PCLO: variants seen among roughly 807,000 people sequenced by gnomAD.
The protein encoded by PCLO is protein piccolo.
A neutral mutation model predicts 427.5 loss-of-function variants in PCLO; 82 were observed. The observed-to-expected ratio is 0.19, with a 90% CI of 0.16 to 0.23. The LOEUF is 0.23. Among genes scored for constraint, PCLO ranks in the 10% least tolerant of loss-of-function variants. PCLO has a pLI of 1.00. For missense variants in PCLO, 6,239 were observed against 6,115.9 expected (o/e 1.02, Z -0.67); for synonymous variants, 2,357 against 2,155.4 (o/e 1.09, Z -2.59).
At chr7:82,850,796 G>A (rs1050265497) in intron 10 of PCLO, among the ~76,000 whole-genome samples, 2 of 152,014 alleles carry the variant, frequency 1.3e-5, no homozygotes, top group Non-Finnish European at 2.9e-5. Context: ...ACATTTTATG[G>A]TGTTATAAAA....
chr7:83,142,784 C>A (rs1192481688), intron 2 of PCLO, among the ~76,000 whole-genome samples: 2 of 152,104 alleles, frequency 1.3e-5, no homozygotes, highest in Non-Finnish European at 2.9e-5. Flanking sequence ...TATGGTGAAA[C>A]CCCGTCTCTA....
chr7:83,082,033 T>A (rs1160278707), intron 3 of PCLO, among the ~76,000 whole-genome samples: 1 of 151,466 alleles, frequency 6.6e-6, no homozygotes. Flanking sequence ...ACCAAAGATA[T>A]TAGATGAAAT....
intron 9 of PCLO, among the ~76,000 whole-genome samples, chr7:82,884,526 A>C: frequency 6.6e-6 from 1 of 152,364 alleles, no homozygotes; most frequent in South Asian, 2.1e-4. Context: ...GTAATGACAT[A>C]AAGATTTTCT....
At chr7:82,891,626 G>T (rs1380386520) in intron 9 of PCLO, among the ~76,000 whole-genome samples, 1 of 151,938 alleles carries the variant, frequency 6.6e-6, no homozygotes, top group East Asian at 1.9e-4. Flanking sequence ...TTTTCAAAGG[G>T]AATGCTTCCA....
At chr7:82,925,480 C>A (rs1251049947) in intron 6 of PCLO, among the ~76,000 whole-genome samples, 1 of 152,004 alleles carries the variant, frequency 6.6e-6, no homozygotes, top group African/African-American at 2.4e-5. Context: ...AGCAATACAC[C>A]TTCTAGGGGT....
intron 20 of PCLO, among the ~76,000 whole-genome samples, chr7:82,814,951 C>G (rs1791646806): frequency 6.6e-6 from 1 of 151,952 alleles, no homozygotes; most frequent in African/African-American, 2.4e-5. Context: ...GTTTCTTTGA[C>G]AGTCACCTTA....
intron 3 of PCLO, among the ~76,000 whole-genome samples, chr7:83,025,013 A>G (rs955481141): frequency 6.6e-6 from 1 of 152,176 alleles, no homozygotes; most frequent in Non-Finnish European, 1.5e-5. Flanking sequence ...AAAAAACAGA[A>G]CAGAAAAACT....
intron 10 of PCLO, among the ~76,000 whole-genome samples, chr7:82,867,014 C>A (rs1222698908): frequency 1.3e-5 from 2 of 152,102 alleles, no homozygotes; most frequent in African/African-American, 4.8e-5. Context: ...CCAATGTATT[C>A]TGCATTTCTT....
chr7:82,795,863 G>A (rs781414797), intron 22 of PCLO, among the ~76,000 whole-genome samples: 7 of 151,830 alleles, frequency 4.6e-5, no homozygotes, highest in Non-Finnish European at 7.4e-5. Context: ...GCTTATATTC[G>A]TTGTGTTATT....
intron 8 of PCLO, among the ~76,000 whole-genome samples, chr7:82,903,950 T>A (rs963547802): frequency 1.7e-4 from 26 of 151,902 alleles, no homozygotes; most frequent in African/African-American, 6.0e-4. Context: ...TTTAAAAAAC[T>A]GAAGCTAAAA....
At position 82,956,417 on chromosome 7, in the gene PCLO, T is replaced by C. The variant is rs1795521726; in HGVS notation, c.4536A>G (p.Ser1512=). The C allele has an allele frequency of 6.2e-7, 1 of 1,613,796 alleles. No individual in the cohort carries two copies. Among genetic ancestry groups the C allele is most frequent in the Middle Eastern group, 1.6e-4 (1 of 6,062 alleles). The change falls in exon 5 of 25, where the codon TCA becomes TCG. Residue 1512 remains serine, a synonymous_variant. Transcript: ENST00000333891. The part of the protein sequence containing the change: ...DITTRREPYD[S]VEESSESENS... ...TTTCACTTTCACTACTCTCTTCAAC[T>C]GAATCATAAGGCTCTCTTCTAGTAG... is the stretch of plus-strand genomic sequence containing the variant.
chr7:83,147,474 T>C (rs1235634419), intron 2 of PCLO, among the ~76,000 whole-genome samples: 1 of 152,174 alleles, frequency 6.6e-6, no homozygotes, highest in African/African-American at 2.4e-5. Context: ...TTTTTTTCTA[T>C]TGGCTCCATG....
Position 82,966,019 on chromosome 7 carries a change from G to T in PCLO, c.3769C>A (p.Pro1257Thr), listed in dbSNP as rs1411607739. Residue 1257 changes from proline to threonine, a missense_variant, in exon 4 of 25, where the codon CCA (proline) becomes ACA (threonine). By Grantham distance (38) the Pro-to-Thr change is conservative (BLOSUM62 -1). This residue lies in a region of PCLO where 4,677 missense variants were observed against 4,468.4 expected (regional missense o/e 1.05). Transcript: ENST00000333891. The part of the protein sequence containing the change: ...KLLPEAKTSA[P>T]EEQKHDLLKS... ...AGTAAGTCATGTTTCTGTTCTTCTG[G>T]GGCTGATGTTTTTGCCTCTGGGAGT... 1 of 1,613,404 alleles carries T rather than the reference G, an allele frequency of 6.2e-7. No individual in the cohort carries two copies. The highest frequency in any genetic ancestry group is 2.2e-5 in the East Asian group (1 of 44,848).
intron 3 of PCLO, among the ~76,000 whole-genome samples, chr7:83,019,980 C>T (rs969474263): frequency 2.0e-5 from 3 of 152,086 alleles, no homozygotes; most frequent in Admixed American, 6.6e-5. Flanking sequence ...ATATGTAGCT[C>T]TCAGAAGTAA....
chr7:83,053,408 T>G (rs1157474338), intron 3 of PCLO, among the ~76,000 whole-genome samples: 4 of 151,880 alleles, frequency 2.6e-5, no homozygotes, highest in Non-Finnish European at 5.9e-5. Context: ...CAAACCTATA[T>G]CCCAATAACT....
At chr7:83,023,137 A>G (rs1788387477) in intron 3 of PCLO, among the ~76,000 whole-genome samples, 1 of 152,212 alleles carries the variant, frequency 6.6e-6, no homozygotes, top group Admixed American at 6.5e-5. Flanking sequence ...AAAAAAGTCA[A>G]TTTTAAAACA....
At chr7:83,039,575 G>A (rs1486971049) in intron 3 of PCLO, among the ~76,000 whole-genome samples, 1 of 152,084 alleles carries the variant, frequency 6.6e-6, no homozygotes, top group African/African-American at 2.4e-5. Flanking sequence ...ATCCTATGTA[G>A]TACCACATTA....
At chr7:83,080,127 G>A (rs139725136) in intron 3 of PCLO, among the ~76,000 whole-genome samples, 2,157 of 152,136 alleles carry the variant, frequency 0.014, 56 homozygotes, top group African/African-American at 0.049. Context: ...ATCATTGATG[G>A]GCATTTGAGT....
intron 3 of PCLO, among the ~76,000 whole-genome samples, chr7:82,987,625 T>C (rs1796284696): frequency 6.6e-6 from 1 of 151,960 alleles, no homozygotes; most frequent in Non-Finnish European, 1.5e-5. Context: ...AACATACAGA[T>C]AAAACTTGAT....
Sources: gnomAD v4.1 joint callset for allele counts (sites outside exome capture counted in the v4.1 genomes callset) on GRCh38, gnomAD v4.1.1 for gene constraint, gnomAD v4.1.1 regional missense constraint, MANE v1.5 for transcripts, NCBI Gene and HGNC (gene_info 2026-07-23, HGNC 2026-07-21) for gene names.